ARHGAP32: variants seen among roughly 807,000 people sequenced by gnomAD.
ARHGAP32 encodes Rho GTPase activating protein 32.
A neutral mutation model predicts 186.5 loss-of-function variants in ARHGAP32; 51 were observed. That is an observed-to-expected ratio of 0.27 (90% CI 0.22 to 0.35). The LOEUF is 0.35. Among genes scored for constraint, ARHGAP32 ranks in the 10% least tolerant of loss-of-function variants. ARHGAP32 has a pLI of 1.00. For synonymous variants in ARHGAP32, 950 were observed against 964.3 expected (o/e 0.99, Z 0.27); for missense variants, 2,186 against 2,623.5 (o/e 0.83, Z 3.64).
At chr11:128,999,077 C>T (rs1342383889) in intron 11 of ARHGAP32, among the ~76,000 whole-genome samples, 1 of 152,242 alleles carries the variant, frequency 6.6e-6, no homozygotes, top group Non-Finnish European at 1.5e-5. Context: ...TAAGGCCTGA[C>T]TGCCTGTGGG....
chr11:129,210,759 C>T (rs1251623319), intron 1 of ARHGAP32, among the ~76,000 whole-genome samples: 3 of 152,214 alleles, frequency 2.0e-5, no homozygotes, highest in African/African-American at 7.2e-5. Context: ...ATGATCTTTT[C>T]TGCTATAACT....
chr11:129,215,140 T>C lies in ARHGAP32; in HGVS notation c.-4-50713A>G, dbSNP rs549418312. On this transcript the variant is annotated intron_variant, in intron 1 of 6. Transcript: ENST00000525234. ...CTTCACAGTAACTCACGTGCTGCTATTCTTACAACCACAGGGTGACCACAA... is the reference window on the plus strand; with the variant it reads ...CTTCACAGTAACTCACGTGCTGCTACTCTTACAACCACAGGGTGACCACAA... Among the ~76,000 whole-genome samples, 5 of 152,322 alleles carry C rather than the reference T, an allele frequency of 3.3e-5. No homozygotes were observed. In the East Asian group the frequency reaches 9.7e-4, roughly 29 times the overall value.
At chr11:129,063,359 C>T (rs1157214291) in intron 9 of ARHGAP32, among the ~76,000 whole-genome samples, 1 of 151,822 alleles carries the variant, frequency 6.6e-6, no homozygotes. Flanking sequence ...CAATATATAT[C>T]TTTAGAGGAA....
At chr11:128,997,784 G>A (rs928528654) in intron 12 of ARHGAP32, among the ~76,000 whole-genome samples, 1 of 152,192 alleles carries the variant, frequency 6.6e-6, no homozygotes, top group Non-Finnish European at 1.5e-5. Context: ...GCACATGCCT[G>A]TAGTCCCAGT....
At chr11:129,000,278 TAA>T in intron 11 of ARHGAP32, among the ~76,000 whole-genome samples, 1 of 152,234 alleles carries the variant, frequency 6.6e-6, no homozygotes, top group Middle Eastern at 3.4e-3. Context: ...GAAAGACAAC[TAA>T]AAAAACTGAA....
At chr11:129,265,826 T>C (rs1455106517) in intron 1 of ARHGAP32, among the ~76,000 whole-genome samples, 1 of 152,140 alleles carries the variant, frequency 6.6e-6, no homozygotes, top group Non-Finnish European at 1.5e-5. Context: ...TATAAATGAG[T>C]TTGAGGTGAC....
In ARHGAP32 at chr11:129,066,962, A is replaced by AT. The variant is rs1238962023; in HGVS notation, c.532-95dup. On this transcript the variant is annotated intron_variant, in intron 6 of 22. Transcript: ENST00000682385. ...TCTATAATGTGATTTTATTCATGAGATTTTATATTTTCTAATGAGAAGTTT... is the reference window on the plus strand; with the variant it reads ...TCTATAATGTGATTTTATTCATGAGATTTTTATATTTTCTAATGAGAAGTTT... The AT allele has an allele frequency of 8.2e-6, 9 of 1,097,454 alleles. No homozygotes were observed. In the East Asian group the frequency reaches 2.3e-4, roughly 28 times the overall value. 68.0% of individuals were successfully genotyped at this position (1,097,454 alleles called of 1,614,324 possible). A position where few individuals can be genotyped will look rare whatever the true frequency, so the allele number is the denominator to read the frequency against.
chr11:129,048,568 G>C (rs897931033), intron 10 of ARHGAP32, among the ~76,000 whole-genome samples: 3 of 151,606 alleles, frequency 2.0e-5, no homozygotes, highest in East Asian at 3.9e-4. Flanking sequence ...ATTTGTGACA[G>C]GTGAATGTAA....
At chr11:129,120,878 A>G (rs1942511246) in intron 5 of ARHGAP32, among the ~76,000 whole-genome samples, 1 of 152,130 alleles carries the variant, frequency 6.6e-6, no homozygotes, top group South Asian at 2.1e-4. Context: ...TGGCCAATTG[A>G]CAGTATGAAT....
chr11:128,973,725 C>G (rs1945462086), intron 21 of ARHGAP32: 4 of 537,106 alleles, frequency 7.4e-6, no homozygotes, highest in Non-Finnish European at 1.3e-5. Flanking sequence ...GCTTAGAAAA[C>G]AAGCTTCAAG....
At chr11:128,982,782 C>T (rs543309591) in intron 15 of ARHGAP32, among the ~76,000 whole-genome samples, 6 of 148,682 alleles carry the variant, frequency 4.0e-5, no homozygotes, top group Non-Finnish European at 8.9e-5. Context: ...GCCAGCTACT[C>T]GGGAGGCTGA....
chr11:129,181,620 T>G (rs945971526), intron 1 of ARHGAP32, among the ~76,000 whole-genome samples: 2 of 152,126 alleles, frequency 1.3e-5, no homozygotes, highest in African/African-American at 4.8e-5. Context: ...AAATCTAATA[T>G]TCCCAGAATT....
At chr11:129,107,118 C>G (rs1256962505) in intron 5 of ARHGAP32, among the ~76,000 whole-genome samples, 2 of 152,160 alleles carry the variant, frequency 1.3e-5, no homozygotes, top group Admixed American at 6.5e-5. Flanking sequence ...GCTATTTTCT[C>G]AGCTGAAATG....
intron 11 of ARHGAP32, among the ~76,000 whole-genome samples, chr11:129,002,214 C>T (rs781700016): frequency 6.6e-5 from 10 of 152,110 alleles, no homozygotes; most frequent in Non-Finnish European, 1.3e-4. Context: ...AATATGGACT[C>T]TCCGAATCCA....
At chr11:129,173,981 C>G (rs980804033) in intron 1 of ARHGAP32, among the ~76,000 whole-genome samples, 13 of 152,222 alleles carry the variant, frequency 8.5e-5, no homozygotes, top group Non-Finnish European at 1.5e-4. Flanking sequence ...CAGCTCCCAG[C>G]GTGAGCGACG....
intron 11 of ARHGAP32, among the ~76,000 whole-genome samples, chr11:129,016,564 C>T (rs1197684072): frequency 6.6e-6 from 1 of 152,164 alleles, no homozygotes; most frequent in Non-Finnish European, 1.5e-5. Context: ...ATGCATATAG[C>T]ATGTAAGACG....
At chr11:129,038,908 GAAAAAGA>G (rs1939477175) in intron 11 of ARHGAP32, among the ~76,000 whole-genome samples, 1 of 112,212 alleles carries the variant, frequency 8.9e-6, no homozygotes, top group Admixed American at 9.1e-5. Context: ...AAAAAAAAAA[GAAAAAGA>G]AAAAAGAATA....
chr11:128,976,034 G>A (rs1297236692), intron 20 of ARHGAP32, among the ~76,000 whole-genome samples: 1 of 151,486 alleles, frequency 6.6e-6, no homozygotes, highest in African/African-American at 2.4e-5. Context: ...CCAAGATTGC[G>A]CCACTGTACT....
chr11:129,253,729 C>T (rs1470382038), intron 1 of ARHGAP32, among the ~76,000 whole-genome samples: 1 of 152,084 alleles, frequency 6.6e-6, no homozygotes, highest in Non-Finnish European at 1.5e-5. Flanking sequence ...TTGGAAAGTT[C>T]TGTGGTAACA....
Sources: allele counts gnomAD v4.1 joint callset (sites outside exome capture counted in the v4.1 genomes callset), GRCh38; gene constraint gnomAD v4.1.1; transcripts MANE v1.5; gene names NCBI Gene and HGNC (gene_info 2026-07-23, HGNC 2026-07-21).